Variants in DTNA observed in about 807,000 individuals in gnomAD.
DTNA encodes dystrophin-related protein 3.
Under a neutral mutation model 100.7 loss-of-function variants are expected in DTNA, and 43 were observed. The observed-to-expected ratio is 0.43, with a 90% CI of 0.33 to 0.55. The LOEUF (loss-of-function observed/expected upper bound fraction) is 0.55. DTNA is among the 20% of genes least tolerant of loss of function. The pLI, the probability that DTNA is intolerant of heterozygous loss-of-function variation, is 0.04. For synonymous variants in DTNA, 349 were observed against 347.9 expected, an observed-to-expected ratio of 1.00 and a Z score of -0.04; for missense variants, 798 against 953.9, an observed-to-expected ratio of 0.84 and a Z score of 2.15.
rs76235586 is a variant in DTNA at position 34,774,896 on chromosome 18, A to C, written c.148+8855A>C. On this transcript the variant is annotated intron_variant, in intron 3 of 22. Coordinates refer to ENST00000444659, the MANE Select transcript of DTNA (RefSeq NM_001386795.1). ...CATCTTTGACCTCTTATCTCAACCC[A>C]GATTGAATCAATCATAAAAATCTCA... Among the ~76,000 whole-genome samples, 97 of 152,370 alleles carry C rather than the reference A, an allele frequency of 6.4e-4. No homozygotes were observed. In the East Asian group the frequency reaches 0.017, roughly 26 times the overall value.
At chr18:34,593,925 T>G (rs977880) in intron 1 of DTNA, among the ~76,000 whole-genome samples, 12,430 of 152,092 alleles carry the variant, frequency 0.082, 640 homozygotes, top group African/African-American at 0.13. Context: ...CCCCTGCATG[T>G]TACTAAGTCA....
At chr18:34,851,979 A>T (rs1157607499) in intron 15 of DTNA, 51 bp downstream of exon 15, 2 of 1,577,222 alleles carry the variant, frequency 1.3e-6, no homozygotes, top group East Asian at 2.3e-5. Context: ...CGCATTCCTT[A>T]ATAAACTATG....
At chr18:34,767,063 A>G (rs1422634078) in intron 3 of DTNA, among the ~76,000 whole-genome samples, 1 of 152,200 alleles carries the variant, frequency 6.6e-6, no homozygotes, top group Non-Finnish European at 1.5e-5. Flanking sequence ...GTTCATGTGT[A>G]AGAACGTTTT....
At position 34,888,270 on chromosome 18, in the gene DTNA, T is replaced by G; in HGVS notation, c.*536T>G. On this transcript the variant is annotated 3_prime_UTR_variant, in exon 23 of 23. Transcript: ENST00000444659. ...ACAGTTTATTATACACTGTACATTT[T>G]TTTCACAGCAATTGGAAAAAAACAA... 1.0e-6 allele frequency: 1 copy of G among 985,870 alleles called. No homozygotes were observed. Among genetic ancestry groups the G allele is most frequent in the Non-Finnish European group, 1.2e-6 (1 of 829,936 alleles). The allele number at this position is 985,870 out of a possible 1,614,324, so 61.1% of individuals were successfully genotyped here.
chr18:34,714,684 C>T (rs1234704671), intron 1 of DTNA, among the ~76,000 whole-genome samples: 1 of 151,916 alleles, frequency 6.6e-6, no homozygotes, highest in East Asian at 1.9e-4. Flanking sequence ...GGCGATTCCT[C>T]AGGGATCTAG....
intron 1 of DTNA, among the ~76,000 whole-genome samples, chr18:34,594,370 A>G (rs1169028281): frequency 6.6e-6 from 1 of 152,230 alleles, no homozygotes; most frequent in East Asian, 1.9e-4. Context: ...CTCTGCTCTT[A>G]GAGACAGCTC....
chr18:34,723,132 T>C (rs1291667438), intron 1 of DTNA, among the ~76,000 whole-genome samples: 1 of 152,226 alleles, frequency 6.6e-6, no homozygotes, highest in Non-Finnish European at 1.5e-5. Context: ...TCATTATATT[T>C]GACAACATTA....
At chr18:34,515,938 T>G (rs1329886957) in intron 1 of DTNA, among the ~76,000 whole-genome samples, 1 of 152,130 alleles carries the variant, frequency 6.6e-6, no homozygotes, top group African/African-American at 2.4e-5. Context: ...AGAGAGAAGC[T>G]AAACAAACTG....
intron 3 of DTNA, among the ~76,000 whole-genome samples, chr18:34,779,794 G>T (rs2094235591): frequency 6.6e-6 from 1 of 152,136 alleles, no homozygotes; most frequent in Admixed American, 6.6e-5. Context: ...GGCAGCATAA[G>T]AAAACAAATG....
intron 14 of DTNA, among the ~76,000 whole-genome samples, chr18:34,851,622 T>C (rs2096480086): frequency 6.6e-6 from 1 of 152,218 alleles, no homozygotes; most frequent in African/African-American, 2.4e-5. Context: ...GAGAATTCTG[T>C]TCTGCCTTCC....
intron 1 of DTNA, among the ~76,000 whole-genome samples, chr18:34,664,543 A>G (rs1275417362): frequency 1.3e-5 from 2 of 152,112 alleles, no homozygotes; most frequent in South Asian, 2.1e-4. Context: ...GGGTTATACA[A>G]TGTCCATATG....
chr18:34,633,776 T>C (rs2058352560), intron 1 of DTNA, among the ~76,000 whole-genome samples: 2 of 152,028 alleles, frequency 1.3e-5, no homozygotes, highest in African/African-American at 4.8e-5. Flanking sequence ...GACTGTAGAG[T>C]AGTGAACAGT....
rs577563364 is a variant in DTNA at position 34,573,748 on chromosome 18, A to G, written c.-2+80234A>G. 7.2e-5 allele frequency among the ~76,000 whole-genome samples: 11 copies of G among 152,294 alleles called. No homozygotes were observed. In the East Asian group the frequency reaches 2.1e-3, roughly 29 times the overall value. On this transcript the variant is annotated intron_variant, in intron 1 of 19. Transcript: ENST00000283365. ...CTATTTTTGTGATTTTCAAAATATC[A>G]TACATTGTTACTAACTACAGCCACC...
intron 1 of DTNA, among the ~76,000 whole-genome samples, chr18:34,503,120 G>T (rs1274300908): frequency 1.3e-5 from 2 of 151,908 alleles, no homozygotes; most frequent in Non-Finnish European, 1.5e-5. Flanking sequence ...GTATCTGGTA[G>T]TTTTATTTGC....
intron 2 of DTNA, 120 bp downstream of exon 2, chr18:34,756,163 C>T (rs922180007): frequency 7.5e-6 from 9 of 1,200,778 alleles, no homozygotes; most frequent in East Asian, 2.6e-5. Context: ...AAGTTCCTTT[C>T]ATGAAGTGTA....
At chr18:34,710,257 T>C (rs2082642880), upstream of DTNA, 1 of 152,150 alleles carries the variant, frequency 6.6e-6, no homozygotes, top group Non-Finnish European at 1.5e-5. Context: ...ACGGACCACA[T>C]GATGAGGTGT....
rs576531534 is a variant in DTNA, at chr18:34,809,135, G to A, written c.449-2824G>A. On this transcript the variant is annotated intron_variant, in intron 5 of 22. Coordinates refer to ENST00000444659, the MANE Select transcript of DTNA (RefSeq NM_001386795.1). ...AACTAGTCAAAAATGAATATCCTGAGTTATGAATATTTCTAGTTTCTGTGA... is the reference window on the plus strand; with the variant it reads ...AACTAGTCAAAAATGAATATCCTGAATTATGAATATTTCTAGTTTCTGTGA... Among the ~76,000 whole-genome samples, 9 of 152,340 alleles carry A rather than the reference G, an allele frequency of 5.9e-5. No homozygotes were observed. In the South Asian group the frequency reaches 1.9e-3, roughly 32 times the overall value.
intron 1 of DTNA, among the ~76,000 whole-genome samples, chr18:34,613,676 ACT>A (rs1484087476): frequency 6.6e-6 from 1 of 152,164 alleles, no homozygotes; most frequent in African/African-American, 2.4e-5. Flanking sequence ...CAAGGCCCTA[ACT>A]CTTCAATTCT....
chr18:34,660,411 G>A (rs937167059), intron 1 of DTNA, among the ~76,000 whole-genome samples: 4 of 151,210 alleles, frequency 2.6e-5, no homozygotes, highest in African/African-American at 7.3e-5. Context: ...ATCTAGTATA[G>A]CATCACCTGA....
Sources: allele counts gnomAD v4.1 joint callset (sites outside exome capture counted in the v4.1 genomes callset), GRCh38; gene constraint gnomAD v4.1.1; transcripts MANE v1.5; gene names NCBI Gene and HGNC (gene_info 2026-07-23, HGNC 2026-07-21).